SHANK2: variants seen among roughly 807,000 people sequenced by gnomAD.
SHANK2 encodes SH3 and multiple ankyrin repeat domains protein 2.
Under a neutral mutation model 133.7 loss-of-function variants are expected in SHANK2, and 43 were observed. The observed-to-expected ratio is 0.32, with a 90% confidence interval of 0.25 to 0.41. The LOEUF (loss-of-function observed/expected upper bound fraction) is 0.41, where lower values mean the gene tolerates loss of function less well. Among genes scored for constraint, SHANK2 ranks in the 10% least tolerant of loss-of-function variants. The pLI is 1.00. For missense variants in SHANK2, 1,994 were observed against 2,235.8 expected (o/e 0.89, Z 2.18); for synonymous variants, 1,017 against 952.8 (o/e 1.07, Z -1.24).
intron 2 of SHANK2, among the ~76,000 whole-genome samples, chr11:71,168,809 T>C (rs1555111671): frequency 9.4e-6 from 1 of 106,304 alleles, no homozygotes; most frequent in Non-Finnish European, 2.1e-5. Context: ...AGGGAGACCA[T>C]GGGGAGAGGG....
intron 22 of SHANK2, 94 bp downstream of exon 22, chr11:70,492,241 T>G: frequency 6.4e-7 from 1 of 1,566,046 alleles, no homozygotes; most frequent in South Asian, 1.1e-5. Context: ...GAACCAGACA[T>G]GAAAGCGTGT....
chr11:70,883,014 T>C (rs1160059572), intron 11 of SHANK2, among the ~76,000 whole-genome samples: 1 of 152,048 alleles, frequency 6.6e-6, no homozygotes, highest in African/African-American at 2.4e-5. Flanking sequence ...AGAGAAGCAG[T>C]GTTATGGGCA....
intron 6 of SHANK2, among the ~76,000 whole-genome samples, chr11:71,098,119 G>C (rs901205527): frequency 6.6e-6 from 1 of 150,698 alleles, no homozygotes; most frequent in Non-Finnish European, 1.5e-5. Context: ...ATGCATGCCT[G>C]TATGTATGTG....
At chr11:71,086,806 G>A (rs1011517069) in intron 8 of SHANK2, among the ~76,000 whole-genome samples, 2 of 152,090 alleles carry the variant, frequency 1.3e-5, no homozygotes, top group African/African-American at 2.4e-5. Flanking sequence ...CAGGGCACCC[G>A]CACCCATCCC....
chr11:71,252,694 C>G (rs1168977715), upstream of SHANK2: 1 of 151,310 alleles, frequency 6.6e-6, no homozygotes, highest in Non-Finnish European at 1.5e-5. This position sits in a 1 kb window ranked among gnomAD's most constrained non-coding sequence, Gnocchi z 6.3. Context: ...TGGACCCCCA[C>G]CCCCGCCCAC....
chr11:71,148,054 G>A (rs1220129481), intron 2 of SHANK2, among the ~76,000 whole-genome samples: 3 of 151,216 alleles, frequency 2.0e-5, no homozygotes, highest in Non-Finnish European at 4.4e-5. Context: ...AGGCCAGGTT[G>A]CCAATGGCCA....
chr11:70,641,573 C>T (rs922042399), intron 17 of SHANK2, among the ~76,000 whole-genome samples: 5 of 152,160 alleles, frequency 3.3e-5, no homozygotes, highest in African/African-American at 4.8e-5. Context: ...GGAACAGAAG[C>T]GGAAGTGATA....
intron 11 of SHANK2, among the ~76,000 whole-genome samples, chr11:70,875,560 C>CAACAAA (rs1193918511): frequency 4.7e-5 from 7 of 150,498 alleles, no homozygotes; most frequent in Admixed American, 1.3e-4. Flanking sequence ...ACAACAACAA[C>CAACAAA]AAATATTGCA....
rs1238854901 is a variant in SHANK2 at position 71,119,163 on chromosome 11, C to T, written c.208-131G>A. The T allele has an allele frequency of 1.2e-4, 83 of 675,740 alleles. 2 individuals carry two copies. Among genetic ancestry groups the T allele is most frequent in the South Asian group, 1.1e-3 (54 of 49,358 alleles). The allele number at this position is 675,740 out of a possible 1,614,324, so 41.9% of individuals were successfully genotyped here. A position where few individuals can be genotyped will look rare whatever the true frequency, so the allele number is the denominator to read the frequency against. On this transcript the variant is annotated intron_variant, in intron 3 of 25. Transcript: ENST00000601538. ...ACACTTCCTCTGAGCAGTGAACCCA[C>T]GGCTTTTCACAGTGAAAAATAAAGC...
intron 14 of SHANK2, 55 bp from the exon 15 acceptor site, chr11:70,698,818 G>T (rs1555022960): frequency 2.8e-6 from 2 of 717,948 alleles, no homozygotes; most frequent in South Asian, 3.0e-5. Flanking sequence ...CCCCGAACGC[G>T]GAACCCACAG....
chr11:71,106,062 T>C (rs1951798268), intron 6 of SHANK2, among the ~76,000 whole-genome samples: 1 of 152,236 alleles, frequency 6.6e-6, no homozygotes, highest in Admixed American at 6.5e-5. Flanking sequence ...AAGATATTAC[T>C]AACAGAGGAA....
intron 17 of SHANK2, among the ~76,000 whole-genome samples, chr11:70,586,952 C>A (rs2060262436): frequency 6.6e-6 from 1 of 152,210 alleles, no homozygotes; most frequent in Non-Finnish European, 1.5e-5. Context: ...CCAGAGACGA[C>A]CTCAAACGTC....
chr11:70,555,751 G>A (rs1405649764), intron 17 of SHANK2, among the ~76,000 whole-genome samples: 2 of 152,110 alleles, frequency 1.3e-5, no homozygotes, highest in South Asian at 2.1e-4. Context: ...ACAAAAAAGC[G>A]CTACTCCAGT....
chr11:70,846,264 G>T (rs782562247), intron 11 of SHANK2, among the ~76,000 whole-genome samples: 16 of 151,866 alleles, frequency 1.1e-4, no homozygotes, highest in East Asian at 3.9e-4. Flanking sequence ...CTGTAAATTA[G>T]TATTATTATT....
At chr11:70,549,018 C>G (rs949264810) in intron 17 of SHANK2, among the ~76,000 whole-genome samples, 2 of 152,158 alleles carry the variant, frequency 1.3e-5, no homozygotes, top group Admixed American at 6.5e-5. Flanking sequence ...CTGCTGACAT[C>G]CCGACTTCAG....
chr11:70,761,823 A>G (rs1591821960), intron 14 of SHANK2, among the ~76,000 whole-genome samples: 1 of 152,158 alleles, frequency 6.6e-6, no homozygotes, highest in East Asian at 1.9e-4. Context: ...TTGTGCAGAT[A>G]CCCCCAAACC....
rs995666184 is a variant in SHANK2, at chr11:70,830,543, C to A, written c.1175-9861G>T. Among the ~76,000 whole-genome samples the A allele has an allele frequency of 7.9e-5, 12 of 152,356 alleles. No homozygotes were observed. In the South Asian group the frequency reaches 2.5e-3, roughly 32 times the overall value. On this transcript the variant is annotated intron_variant, in intron 11 of 25. Coordinates refer to ENST00000601538, the MANE Select transcript of SHANK2 (RefSeq NM_012309.5). The surrounding 1 kb of genome is among the most constrained non-coding windows in gnomAD (Gnocchi z 4.4). ...AGAGCTGGGGAAGCAGAGGCGGGTG[C>A]ACAGCCTCCCGCAGAACTCCGGGAA...
At chr11:70,784,389 G>T (rs1947600772) in intron 14 of SHANK2, among the ~76,000 whole-genome samples, 1 of 135,452 alleles carries the variant, frequency 7.4e-6, no homozygotes, top group Non-Finnish European at 1.5e-5. Flanking sequence ...TAGCGACGGG[G>T]TTTCACCATG....
At position 70,468,458 on chromosome 11, in the gene SHANK2, A is replaced by G. The variant is rs938249402; in HGVS notation, c.*4411T>C. 6.6e-6 allele frequency: 1 copy of G among 152,250 alleles called. No homozygotes were observed. The highest frequency in any genetic ancestry group is 2.4e-5 in the African/African-American group (1 of 41,468). The allele number at this position is 152,250 out of a possible 1,614,324, so 9.4% of individuals were successfully genotyped here. On this transcript the variant is annotated 3_prime_UTR_variant, in exon 26 of 26. Transcript: ENST00000601538. The stretch of plus-strand genomic sequence containing the variant: ...CTGCATGCAGCTGCTGTGGTCACCC[A>G]GCCACTGTGGAATGTTCACCTACTT...
Sources: gnomAD v4.1 joint callset for allele counts (sites outside exome capture counted in the v4.1 genomes callset) on GRCh38, gnomAD v4.1.1 for gene constraint, Gnocchi (gnomAD v3.1) non-coding constraint, MANE v1.5 for transcripts, NCBI Gene and HGNC (gene_info 2026-07-23, HGNC 2026-07-21) for gene names.